The following CLEC5A variants were observed in gnomAD, a reference collection of about 807,000 sequenced individuals.
CLEC5A encodes the protein C-type lectin domain containing 5A.
In CLEC5A, 15 loss-of-function variants were observed where a neutral mutation model predicts 24.4. The ratio of observed to expected loss-of-function variants is 0.62; its 90% CI spans 0.41 to 0.95. The LOEUF is 0.95. Among genes scored for constraint, CLEC5A ranks in the 40% least tolerant of loss-of-function variants. The pLI is 0.00. For synonymous variants in CLEC5A, 71 were observed against 72.6 expected, an observed-to-expected ratio of 0.98 and a Z score of 0.11; for missense variants, 211 against 224.0, an observed-to-expected ratio of 0.94 and a Z score of 0.37.
chr7:141,946,510 C>T (rs1180525056), intron 1 of CLEC5A, among the ~76,000 whole-genome samples, 198 bp from the exon 2 acceptor site: 1 of 152,214 alleles, frequency 6.6e-6, no homozygotes, highest in African/African-American at 2.4e-5. Flanking sequence ...AGCCTTGGAA[C>T]TTGGCATACT....
intron 5 of CLEC5A, among the ~76,000 whole-genome samples, chr7:141,932,825 G>A (rs1452752328): frequency 1.2e-4 from 18 of 152,202 alleles, no homozygotes; most frequent in African/African-American, 2.9e-4. Context: ...CATTATCTAC[G>A]GCTGCTTTCA....
chr7:141,931,910 T>C lies in CLEC5A; in HGVS notation c.346-84A>G, dbSNP rs41275006. The C allele has an allele frequency of 4.8e-4, 313 of 649,822 alleles. 2 individuals carry two copies. In the African/African-American group the frequency reaches 5.1e-3, roughly 11 times the overall value. The allele number at this position is 649,822 out of a possible 1,614,324, so 40.3% of individuals were successfully genotyped here. Reference sequence around the variant, plus strand: ...ATGTGCCCATGATTATATCTGATCCTGGGAATAAGGAAGGCCGGTAGAGAA... The same window carrying C: ...ATGTGCCCATGATTATATCTGATCCCGGGAATAAGGAAGGCCGGTAGAGAA... On this transcript the variant is annotated intron_variant, in intron 5 of 6. Coordinates refer to ENST00000546910, the MANE Select transcript of CLEC5A (RefSeq NM_013252.3).
rs1554439977 is a variant in CLEC5A at position 141,929,378 on chromosome 7, A to G, written c.*726T>C. ...AATTTTGGTTACAAAGGAGTTACAT[A>G]TGTTATAATGGAGTTTCAGAAATAT... On this transcript the variant is annotated 3_prime_UTR_variant, in exon 7 of 7. Transcript: ENST00000546910. 6.6e-6 allele frequency: 1 copy of G among 152,226 alleles called. No individual in the cohort carries two copies. The highest frequency in any genetic ancestry group is 2.4e-5 in the African/African-American group (1 of 41,458). The allele number at this position is 152,226 out of a possible 1,614,324, so 9.4% of individuals were successfully genotyped here.
At chr7:141,936,537 T>A (rs2128961230) in intron 4 of CLEC5A, among the ~76,000 whole-genome samples, 1 of 152,304 alleles carries the variant, frequency 6.6e-6, no homozygotes, top group African/African-American at 2.4e-5. Flanking sequence ...GAATAACCCA[T>A]CCCAGTGGTT....
Position 141,945,391 on chromosome 7 carries a change from A to T in CLEC5A, c.89T>A (p.Ile30Asn). ...GAAACCATCGTTACTTTTGTTAAAA[A>T]TCTGTGGGACTGAAAAGAAAATCAG... The part of the protein sequence containing the change: ...MTLFLLYFPQ[I>N]FNKSNDGFTT... Residue 30 changes from isoleucine to asparagine, a missense_variant, in exon 3 of 7, where the codon ATT becomes AAT. By Grantham distance (149) the Ile-to-Asn change is moderately radical. Transcript: ENST00000546910. 2 of 1,612,824 alleles carry T rather than the reference A, an allele frequency of 1.2e-6. No homozygotes were observed. Among genetic ancestry groups the T allele is most frequent in the Non-Finnish European group, 1.7e-6 (2 of 1,178,944 alleles).
rs782098790 is a variant in CLEC5A, at chr7:141,931,701, CTG to C, written c.452+17_452+18del. 277 of 1,335,648 alleles carry C rather than the reference CTG, an allele frequency of 2.1e-4. No homozygotes were observed. The highest frequency in any genetic ancestry group is 2.8e-4 in the Non-Finnish European group (256 of 926,310). 82.7% of individuals were successfully genotyped at this position (1,335,648 alleles called of 1,614,324 possible). On this transcript the variant is annotated intron_variant, in intron 6 of 6. Coordinates refer to ENST00000546910, the MANE Select transcript of CLEC5A (RefSeq NM_013252.3). The stretch of plus-strand genomic sequence containing the variant: ...GAAGCAAACCAAGATCCCCAGGAAA[CTG>C]TGGCATGTTCACGTACTTGCCATTG...
chr7:141,941,833 T>C (rs1319923638), intron 4 of CLEC5A, among the ~76,000 whole-genome samples: 1 of 151,868 alleles, frequency 6.6e-6, no homozygotes, highest in Non-Finnish European at 1.5e-5. Flanking sequence ...TTATAATAGC[T>C]ACAAATAAAA....
Position 141,931,732 on chromosome 7 carries a change from A to C in CLEC5A, c.440T>G (p.Val147Gly). ...CATGTTCACGTACTTGCCATTGAAC[A>C]CAGAGTTGTTGATCCAACGCCACCT... is the stretch of plus-strand genomic sequence containing the variant. ...EKRWRWINNS[V>G]FNGNVTNQNQ... The change falls in exon 6 of 7, where the codon GTG (valine) becomes GGG (glycine). Residue 147 changes from valine (V) to glycine (G), a missense_variant. By Grantham distance (109) the Val-to-Gly change is moderately radical. Transcript: ENST00000546910. 6.4e-7 allele frequency: 1 copy of C among 1,571,262 alleles called. No individual in the cohort carries two copies. Among genetic ancestry groups the C allele is most frequent in the South Asian group, 1.1e-5 (1 of 90,200 alleles).
Position 141,935,851 on chromosome 7 carries a change from C to A in CLEC5A, c.308G>T (p.Gly103Val). 1 of 1,613,950 alleles carries A rather than the reference C, an allele frequency of 6.2e-7. No individual in the cohort carries two copies. Among genetic ancestry groups the A allele is most frequent in the Non-Finnish European group, 8.5e-7 (1 of 1,179,852 alleles). The change falls in exon 5 of 7, where the codon GGA becomes GTA. Residue 103 changes from glycine (G) to valine (V), a missense_variant. Transcript: ENST00000546910. ...CGTGTTGACAATTGCCAATGTGGAT[C>A]CTTTTCCTTTGCAAAAGTCCCTGCT... is the stretch of plus-strand genomic sequence containing the variant. ...NESRDFCKGKGSTLAIVNTPE... is the reference protein window; with the variant it reads ...NESRDFCKGKVSTLAIVNTPE...
chr7:141,928,952 G>C lies in CLEC5A; in HGVS notation c.*1152C>G, dbSNP rs1417144528. ...ATAGCTGATGTCTTGTGAGTGTGGA[G>C]AACAGCCAGGGTACTCCAAGACTTG... On this transcript the variant is annotated 3_prime_UTR_variant, in exon 7 of 7. Coordinates refer to ENST00000546910, the MANE Select transcript of CLEC5A (RefSeq NM_013252.3). 1.3e-5 allele frequency: 2 copies of C among 152,156 alleles called. No homozygotes were observed. Among genetic ancestry groups the C allele is most frequent in the African/African-American group, 2.4e-5 (1 of 41,414 alleles). The allele number at this position is 152,156 out of a possible 1,614,324, so 9.4% of individuals were successfully genotyped here. A position where few individuals can be genotyped will look rare whatever the true frequency, so the allele number is the denominator to read the frequency against.
At chr7:141,942,962 T>C (rs1403361122) in intron 4 of CLEC5A, among the ~76,000 whole-genome samples, 3 of 152,154 alleles carry the variant, frequency 2.0e-5, no homozygotes, top group African/African-American at 7.2e-5. Context: ...AAGAGAACCC[T>C]CATACATTGT....
In CLEC5A at chr7:141,930,185, C is replaced by T. The variant is rs782338658; in HGVS notation, c.486G>A (p.Ala162=). 3.4e-5 allele frequency: 55 copies of T among 1,613,854 alleles called. No individual in the cohort carries two copies. Among genetic ancestry groups the T allele is most frequent in the South Asian group, 1.9e-4 (17 of 91,046 alleles). ...VTNQNQNFNC[A]TIGLTKTFDA... ...CAAATGTCTTTGTTAGGCCAATGGT[C>T]GCACAGTTGAAATTCTGATTCTGAT... Residue 162 remains alanine, a synonymous_variant, in exon 7 of 7, where the codon GCG becomes GCA. Coordinates refer to ENST00000546910, the MANE Select transcript of CLEC5A (RefSeq NM_013252.3).
intron 1 of CLEC5A, among the ~76,000 whole-genome samples, 185 bp downstream of exon 1, chr7:141,946,622 C>A (rs1468462784): frequency 6.6e-6 from 1 of 152,166 alleles, no homozygotes; most frequent in Non-Finnish European, 1.5e-5. Flanking sequence ...ATTTTGAGAA[C>A]CCTTATCCTT....
At chr7:141,932,195 A>G (rs1554440493) in intron 5 of CLEC5A, among the ~76,000 whole-genome samples, 1 of 152,210 alleles carries the variant, frequency 6.6e-6, no homozygotes, top group African/African-American at 2.4e-5. Flanking sequence ...ATTTAAAAAA[A>G]TATGTCATGC....
intron 5 of CLEC5A, 113 bp from the exon 6 acceptor site, chr7:141,931,939 T>C: frequency 1.7e-6 from 1 of 578,592 alleles, no homozygotes; most frequent in East Asian, 2.9e-5. Context: ...TAGAGAACTC[T>C]GGGACCAGCT....
At chr7:141,935,697 A>C in intron 5 of CLEC5A, 117 bp downstream of exon 5, 1 of 896,120 alleles carries the variant, frequency 1.1e-6, no homozygotes, top group Non-Finnish European at 1.7e-6. Flanking sequence ...TTTTTCAGCC[A>C]GCCACCTCTC....
intron 4 of CLEC5A, among the ~76,000 whole-genome samples, chr7:141,937,940 C>T (rs1383735206): frequency 5.3e-5 from 8 of 152,236 alleles, no homozygotes; most frequent in South Asian, 2.1e-4. Context: ...GGTACCTCTA[C>T]GAGTCTGCAA....
At position 141,929,945 on chromosome 7, in the gene CLEC5A, G is replaced by A. The variant is rs117253043; in HGVS notation, c.*159C>T. On this transcript the variant is annotated 3_prime_UTR_variant, in exon 7 of 7. Coordinates refer to ENST00000546910, the MANE Select transcript of CLEC5A (RefSeq NM_013252.3). ...TGATCCTGTCTCCTGGAGATGGCTA[G>A]CATCCAGTCCCCCAGTGCAGAAGAA... The A allele has an allele frequency of 0.017, 10,296 of 590,500 alleles. 395 individuals carry two copies. The highest frequency in any genetic ancestry group is 0.096 in the South Asian group (4,703 of 48,844). 36.6% of individuals were successfully genotyped at this position (590,500 alleles called of 1,614,324 possible).
intron 4 of CLEC5A, among the ~76,000 whole-genome samples, chr7:141,942,735 A>G (rs1302229149): frequency 7.9e-5 from 12 of 152,176 alleles, no homozygotes; most frequent in African/African-American, 2.4e-4. Context: ...ATAGGAAAAA[A>G]AATCTAATAA....
Sources: allele counts gnomAD v4.1 joint callset (sites outside exome capture counted in the v4.1 genomes callset), GRCh38; gene constraint gnomAD v4.1.1; transcripts MANE v1.5; gene names NCBI Gene and HGNC (gene_info 2026-07-23, HGNC 2026-07-21).